GNA11: variants seen among roughly 807,000 people sequenced by gnomAD.
GNA11 encodes G protein subunit alpha 11, also known as guanine nucleotide-binding protein subunit alpha-11.
Under a neutral mutation model 38.2 loss-of-function variants are expected in GNA11, and 8 were observed. That is an observed-to-expected ratio of 0.21 (90% confidence interval 0.12 to 0.38). The LOEUF (loss-of-function observed/expected upper bound fraction) is 0.38, where lower values mean the gene tolerates loss of function less well. GNA11 is among the 10% of genes least tolerant of loss of function. The pLI is 1.00. For missense variants in GNA11, 268 were observed against 516.3 expected, an observed-to-expected ratio of 0.52 and a Z score of 4.66; for synonymous variants, 211 against 221.4, an observed-to-expected ratio of 0.95 and a Z score of 0.42.
intron 1 of GNA11, among the ~76,000 whole-genome samples, chr19:3,101,198 G>A (rs949333993): frequency 6.6e-6 from 1 of 152,200 alleles, no homozygotes; most frequent in East Asian, 1.9e-4. Flanking sequence ...ACTGGAGGGC[G>A]CTGTGTCTGT....
At position 3,123,030 on chromosome 19, in the gene GNA11, G is replaced by A. The variant is rs762982145; in HGVS notation, c.*1851G>A. On this transcript the variant is annotated 3_prime_UTR_variant, in exon 7 of 7. Transcript: ENST00000078429. ...CAGGTGTCTACCTAAGAGGGTTGGTGCCAGAAGCCCCCCATGGCGAGTGCT... is the reference window on the plus strand; with the variant it reads ...CAGGTGTCTACCTAAGAGGGTTGGTACCAGAAGCCCCCCATGGCGAGTGCT... 1.2e-3 allele frequency: 277 copies of A among 233,300 alleles called. 1 individual carries two copies. Among genetic ancestry groups the A allele is most frequent in the Non-Finnish European group, 2.0e-3 (236 of 118,076 alleles). The allele number at this position is 233,300 out of a possible 1,614,324, so 14.5% of individuals were successfully genotyped here.
Position 3,120,432 on chromosome 19 carries a change from G to C in GNA11, c.890-557G>C, listed in dbSNP as rs1003646271. Among the ~76,000 whole-genome samples, 3 of 152,130 alleles carry C rather than the reference G, an allele frequency of 2.0e-5. No individual in the cohort carries two copies. Among genetic ancestry groups the C allele is most frequent in the Non-Finnish European group, 2.9e-5 (2 of 67,996 alleles). ...GAACACCCCCAGGGGCCTTTCCACCGGGGCAGGCAGGAGTTACTGGGCGGG... is the reference window on the plus strand; with the variant it reads ...GAACACCCCCAGGGGCCTTTCCACCCGGGCAGGCAGGAGTTACTGGGCGGG... On this transcript the variant is annotated intron_variant, in intron 6 of 6. Coordinates refer to ENST00000078429, the MANE Select transcript of GNA11 (RefSeq NM_002067.5). This position sits in a 1 kb window ranked among gnomAD's most constrained non-coding sequence, Gnocchi z 5.9.
At position 3,110,235 on chromosome 19, in the gene GNA11, T is replaced by C; in HGVS notation, c.223T>C (p.Phe75Leu). ...AGYSEEDKRG[F>L]TKLVYQNIFT... is the part of the protein sequence containing the mutation. ...CTACTCGGAGGAGGACAAGCGCGGC[T>C]TCACCAAGCTCGTCTACCAGAACAT... The change falls in exon 2 of 7, where the codon TTC becomes CTC. Residue 75 changes from phenylalanine to leucine, a missense_variant. Phe to Leu is a conservative substitution (Grantham distance 22). Coordinates refer to ENST00000078429, the MANE Select transcript of GNA11 (RefSeq NM_002067.5). This position sits in a 1 kb window ranked among gnomAD's most constrained non-coding sequence, Gnocchi z 5.4. 1 of 1,613,946 alleles carries C rather than the reference T, an allele frequency of 6.2e-7. No individual in the cohort carries two copies. The highest frequency in any genetic ancestry group is 1.7e-4 in the Middle Eastern group (1 of 6,060).
chr19:3,118,334 T>A (rs909646472), intron 4 of GNA11: 5 of 152,398 alleles, frequency 3.3e-5, no homozygotes, highest in African/African-American at 1.2e-4. Flanking sequence ...TCTGAGCTGA[T>A]TTTCTTTCTC....
rs145033220 is a variant in GNA11, at chr19:3,110,252, C to T, written c.240C>T (p.Tyr80=). ...AGCGCGGCTTCACCAAGCTCGTCTACCAGAACATCTTCACCGCCATGCAGG... is the reference window on the plus strand; with the variant it reads ...AGCGCGGCTTCACCAAGCTCGTCTATCAGAACATCTTCACCGCCATGCAGG... ...EDKRGFTKLV[Y]QNIFTAMQAM... The change falls in exon 2 of 7, where the codon TAC becomes TAT. Residue 80 remains tyrosine (Y), a synonymous_variant. Coordinates refer to ENST00000078429, the MANE Select transcript of GNA11 (RefSeq NM_002067.5). This position sits in a 1 kb window ranked among gnomAD's most constrained non-coding sequence, Gnocchi z 5.4. The T allele has an allele frequency of 1.6e-4, 251 of 1,614,020 alleles. No homozygotes were observed. The Middle Eastern group carries it at 3.3e-3, about 21-fold the overall frequency.
intron 1 of GNA11, among the ~76,000 whole-genome samples, chr19:3,106,703 A>G (rs1913647366): frequency 6.6e-6 from 1 of 152,250 alleles, no homozygotes; most frequent in African/African-American, 2.4e-5. Flanking sequence ...ATGTACATGC[A>G]TGTGTGCGTG....
intron 1 of GNA11, among the ~76,000 whole-genome samples, chr19:3,096,711 C>CT (rs200749843): frequency 6.6e-6 from 1 of 151,588 alleles, no homozygotes; most frequent in Non-Finnish European, 1.5e-5. Context: ...AGTCCCACCC[C>CT]CTCCCACTCT....
chr19:3,121,562 A>T lies in GNA11; in HGVS notation c.*383A>T, dbSNP rs1914080887. 1 of 235,622 alleles carries T rather than the reference A, an allele frequency of 4.2e-6. No homozygotes were observed. The highest frequency in any genetic ancestry group is 8.3e-6 in the Non-Finnish European group (1 of 120,058). 14.6% of individuals were successfully genotyped at this position (235,622 alleles called of 1,614,324 possible). A position where few individuals can be genotyped will look rare whatever the true frequency, so the allele number is the denominator to read the frequency against. On this transcript the variant is annotated 3_prime_UTR_variant, in exon 7 of 7. Transcript: ENST00000078429. ...CCTCACAGAGCCCCCGCCAGCCAGC[A>T]TGGGGCCCCGCCCTGCAGCCAGTCA... is the stretch of plus-strand genomic sequence containing the variant.
At chr19:3,107,439 C>T (rs761513375) in intron 1 of GNA11, among the ~76,000 whole-genome samples, 2 of 152,176 alleles carry the variant, frequency 1.3e-5, no homozygotes, top group African/African-American at 2.4e-5. Flanking sequence ...CAAGGGGCGG[C>T]GCCTTCTGAC....
intron 1 of GNA11, among the ~76,000 whole-genome samples, chr19:3,106,999 A>G (rs1200784245): frequency 1.3e-5 from 2 of 152,188 alleles, no homozygotes; most frequent in Non-Finnish European, 2.9e-5. Context: ...CGCTTTGGGA[A>G]GCTGAGGCAG....
chr19:3,096,828 C>T (rs896325884), intron 1 of GNA11, among the ~76,000 whole-genome samples: 5 of 152,114 alleles, frequency 3.3e-5, no homozygotes, highest in Non-Finnish European at 5.9e-5. Context: ...AGCTCACGTG[C>T]GACCCAAGGA....
rs1425699202 is a variant in GNA11 at position 3,110,094 on chromosome 19, C to T, written c.137-55C>T. 1.4e-6 allele frequency: 2 copies of T among 1,420,758 alleles called. No homozygotes were observed. Among genetic ancestry groups the T allele is most frequent in the Non-Finnish European group, 1.9e-6 (2 of 1,036,464 alleles). 88.0% of individuals were successfully genotyped at this position (1,420,758 alleles called of 1,614,324 possible). ...GCAGGGTCTGGGTAAGAGGGGGCAG[C>T]AGCACGAGAGTCAGGCCCCGGCTGC... On this transcript the variant is annotated intron_variant, in intron 1 of 6. Coordinates refer to ENST00000078429, the MANE Select transcript of GNA11 (RefSeq NM_002067.5). The surrounding 1 kb of genome is among the most constrained non-coding windows in gnomAD (Gnocchi z 5.4).
intron 1 of GNA11, among the ~76,000 whole-genome samples, chr19:3,102,509 C>G (rs891677573): frequency 1.1e-4 from 16 of 152,234 alleles, no homozygotes; most frequent in African/African-American, 3.9e-4. Flanking sequence ...CGTGCTGGAG[C>G]AGAAGAGCAC....
intron 1 of GNA11, among the ~76,000 whole-genome samples, chr19:3,099,117 T>G (rs1568278722): frequency 6.6e-6 from 1 of 152,170 alleles, no homozygotes; most frequent in Non-Finnish European, 1.5e-5. Flanking sequence ...TGTCTCTGTC[T>G]GGGACCTGGA....
intron 1 of GNA11, among the ~76,000 whole-genome samples, chr19:3,101,780 CG>C (rs978526449): frequency 1.3e-5 from 2 of 152,166 alleles, no homozygotes; most frequent in Admixed American, 1.3e-4. Context: ...AGACCCAGCA[CG>C]TGAGGAGACG....
In GNA11 at chr19:3,122,284, G is replaced by A. The variant is rs1390553061; in HGVS notation, c.*1105G>A. The A allele has an allele frequency of 3.4e-5, 8 of 232,746 alleles. No individual in the cohort carries two copies. The highest frequency in any genetic ancestry group is 3.0e-4 in the East Asian group (5 of 16,548). The allele number at this position is 232,746 out of a possible 1,614,324, so 14.4% of individuals were successfully genotyped here. On this transcript the variant is annotated 3_prime_UTR_variant, in exon 7 of 7. Coordinates refer to ENST00000078429, the MANE Select transcript of GNA11 (RefSeq NM_002067.5). The surrounding 1 kb of genome is among the most constrained non-coding windows in gnomAD (Gnocchi z 7.7). ...AGGGACGTGGCCGGCAGCTCTGTGC[G>A]TGGCCTTGTCCCAAGCACTTGCGCC...
intron 1 of GNA11, among the ~76,000 whole-genome samples, chr19:3,105,599 G>A (rs982861509): frequency 2.0e-5 from 3 of 152,084 alleles, no homozygotes; most frequent in Non-Finnish European, 2.9e-5. Flanking sequence ...AGCTGATCCC[G>A]CCTCCCAACA....
chr19:3,109,290 C>A (rs1010971051), intron 1 of GNA11, among the ~76,000 whole-genome samples: 1 of 152,192 alleles, frequency 6.6e-6, no homozygotes, highest in Non-Finnish European at 1.5e-5. Context: ...CCCATGTCAC[C>A]CAGAATGTGT....
chr19:3,099,703 G>A (rs1419884075), intron 1 of GNA11, among the ~76,000 whole-genome samples: 1 of 152,190 alleles, frequency 6.6e-6, no homozygotes, highest in Non-Finnish European at 1.5e-5. Flanking sequence ...CCCACTCCCT[G>A]CCTCTGGGTC....
Sources: allele counts gnomAD v4.1 joint callset (sites outside exome capture counted in the v4.1 genomes callset), GRCh38; gene constraint gnomAD v4.1.1; non-coding constraint Gnocchi (gnomAD v3.1); transcripts MANE v1.5; gene names NCBI Gene and HGNC (gene_info 2026-07-23, HGNC 2026-07-21).